The following PCDH19 variants were observed in gnomAD, a reference collection of about 807,000 sequenced individuals.
PCDH19 encodes the protein protocadherin-19.
PCDH19 carries 6 observed loss-of-function variants against 46.2 expected under a neutral mutation model. That is an observed-to-expected ratio of 0.13 (90% CI 0.07 to 0.26). PCDH19 has a LOEUF of 0.26. PCDH19 is among the 10% of genes least tolerant of loss of function. The pLI is 1.00. For synonymous variants in PCDH19, 481 were observed against 415.7 expected (o/e 1.16, Z -1.91); for missense variants, 740 against 972.3 (o/e 0.76, Z 3.18).
intron 3 of PCDH19, among the ~76,000 whole-genome samples, chrX:100,401,827 C>A (rs754860299): frequency 9.1e-6 from 1 of 110,375 alleles, no homozygotes; most frequent in African/African-American, 3.3e-5. Context: ...GAATTCCAGG[C>A]TCAACCGATT....
intron 5 of PCDH19, among the ~76,000 whole-genome samples, chrX:100,306,520 C>A (rs1924950715): frequency 9.0e-6 from 1 of 110,774 alleles, no homozygotes; most frequent in South Asian, 3.8e-4. Context: ...GAAACAAGAA[C>A]AATCCAAATG....
intron 5 of PCDH19, among the ~76,000 whole-genome samples, chrX:100,340,210 T>TAC (rs1427896745): frequency 8.9e-6 from 1 of 111,861 alleles, no homozygotes; most frequent in Non-Finnish European, 1.9e-5. Flanking sequence ...TATAGATATA[T>TAC]ACACACACAC....
chrX:100,363,667 GATAA>G (rs1226924915), intron 3 of PCDH19, among the ~76,000 whole-genome samples: 1 of 95,632 alleles, frequency 1.0e-5, no homozygotes, highest in African/African-American at 3.8e-5. Flanking sequence ...TTCTGTACAT[GATAA>G]ATATATATAA....
At chrX:100,325,125 C>CTAGA (rs58882829) in intron 5 of PCDH19, among the ~76,000 whole-genome samples, 7,852 of 91,396 alleles carry the variant, frequency 0.086, 349 homozygotes, top group African/African-American at 0.14. Context: ...AGAAAAAATA[C>CTAGA]TAGATAGATA....
At chrX:100,399,689 C>T (rs1266238668) in intron 3 of PCDH19, among the ~76,000 whole-genome samples, 1 of 111,547 alleles carries the variant, frequency 9.0e-6, no homozygotes, top group African/African-American at 3.3e-5. Flanking sequence ...GGGCCTCTCT[C>T]CTTTCTGAAT....
At chrX:100,388,324 T>C (rs1038157134) in intron 3 of PCDH19, among the ~76,000 whole-genome samples, 4 of 110,112 alleles carry the variant, frequency 3.6e-5, no homozygotes, top group African/African-American at 1.3e-4. Flanking sequence ...AATATATGCA[T>C]ACATTAAACT....
chrX:100,308,556 C>A (rs779505706), intron 5 of PCDH19, among the ~76,000 whole-genome samples: 79 of 111,600 alleles, frequency 7.1e-4, no homozygotes, highest in Non-Finnish European at 1.2e-3. Context: ...AAAGCTTCTG[C>A]ACAGCAAAAG....
intron 3 of PCDH19, among the ~76,000 whole-genome samples, chrX:100,374,093 T>A (rs776822474): frequency 1.8e-5 from 2 of 112,535 alleles, no homozygotes; most frequent in Non-Finnish European, 3.7e-5. Flanking sequence ...GATTCAAGCA[T>A]TATTTTAAAG....
chrX:100,346,889 AAG>A (rs1926419735), intron 4 of PCDH19, among the ~76,000 whole-genome samples: 1 of 111,213 alleles, frequency 9.0e-6, no homozygotes, highest in South Asian at 3.8e-4. Context: ...GGCATGAGGA[AAG>A]AGTGCTGCAG....
At chrX:100,392,194 A>G (rs1927884435) in intron 3 of PCDH19, among the ~76,000 whole-genome samples, 1 of 112,340 alleles carries the variant, frequency 8.9e-6, no homozygotes, top group Non-Finnish European at 1.9e-5. Context: ...AGGCCACTAC[A>G]TAATGCATAG....
intron 5 of PCDH19, among the ~76,000 whole-genome samples, chrX:100,315,046 T>C (rs1006434427): frequency 1.8e-5 from 2 of 112,167 alleles, no homozygotes; most frequent in Non-Finnish European, 3.8e-5. Flanking sequence ...GGAGGCAATC[T>C]GAGACAATGG....
intron 5 of PCDH19, among the ~76,000 whole-genome samples, chrX:100,340,730 T>A (rs943693937): frequency 2.7e-5 from 3 of 112,126 alleles, no homozygotes; most frequent in Admixed American, 1.9e-4. Flanking sequence ...TTTAATAGAA[T>A]CTACAGTGAC....
At chrX:100,354,663 A>C (rs1422801907) in intron 3 of PCDH19, among the ~76,000 whole-genome samples, 2 of 112,320 alleles carry the variant, frequency 1.8e-5, no homozygotes, top group Admixed American at 1.9e-4. Context: ...CAGAAGAAAT[A>C]CATTCTTTAA....
intron 3 of PCDH19, among the ~76,000 whole-genome samples, chrX:100,360,945 G>A (rs1351931282): frequency 8.9e-6 from 1 of 111,899 alleles, no homozygotes; most frequent in African/African-American, 3.3e-5. Flanking sequence ...AATCCTCACA[G>A]TGCTTCTCAT....
At chrX:100,329,971 C>T (rs1485683432) in intron 5 of PCDH19, among the ~76,000 whole-genome samples, 1 of 112,172 alleles carries the variant, frequency 8.9e-6, no homozygotes. Flanking sequence ...AATAAGAGTT[C>T]TGCAAATTTA....
intron 5 of PCDH19, among the ~76,000 whole-genome samples, chrX:100,330,840 G>A (rs1322610849): frequency 8.9e-6 from 1 of 111,971 alleles, no homozygotes; most frequent in Non-Finnish European, 1.9e-5. Context: ...TGATAAAACA[G>A]GGTTGTCTAT....
chrX:100,334,755 C>CGTGTGT (rs55977851), intron 5 of PCDH19, among the ~76,000 whole-genome samples: 1,019 of 100,455 alleles, frequency 0.01, 8 homozygotes, highest in South Asian at 0.051. Flanking sequence ...ATATAACCAA[C>CGTGTGT]GTGTGTGTGT....
At chrX:100,401,219 T>C (rs1181151181) in intron 3 of PCDH19, among the ~76,000 whole-genome samples, 1 of 111,991 alleles carries the variant, frequency 8.9e-6, no homozygotes. Flanking sequence ...AAGCAATTCA[T>C]GGAAAAATGA....
intron 3 of PCDH19, among the ~76,000 whole-genome samples, chrX:100,388,603 G>A (rs1927779642): frequency 9.0e-6 from 1 of 111,176 alleles, no homozygotes. Flanking sequence ...ATAAATTCCA[G>A]AAGTAGAAAT....
Sources: allele counts gnomAD v4.1 joint callset (sites outside exome capture counted in the v4.1 genomes callset), GRCh38; gene constraint gnomAD v4.1.1; transcripts MANE v1.5; gene names NCBI Gene and HGNC (gene_info 2026-07-23, HGNC 2026-07-21).